SHB: variants seen among roughly 807,000 people sequenced by gnomAD.
SHB encodes SH2 domain-containing adapter protein B.
A neutral mutation model predicts 52.3 loss-of-function variants in SHB; 20 were observed. The ratio of observed to expected loss-of-function variants is 0.38; its 90% CI spans 0.27 to 0.56. The LOEUF (loss-of-function observed/expected upper bound fraction) is 0.56. SHB is among the 20% of genes least tolerant of loss of function. The pLI, the probability that SHB is intolerant of heterozygous loss-of-function variation, is 0.71. For missense variants in SHB, 825 were observed against 723.3 expected (o/e 1.14, Z -1.61); for synonymous variants, 397 against 316.5 (o/e 1.25, Z -2.70).
At chr9:38,045,504 G>A (rs1176764755) in intron 1 of SHB, among the ~76,000 whole-genome samples, 6 of 151,726 alleles carry the variant, frequency 4.0e-5, no homozygotes, top group African/African-American at 1.5e-4. Flanking sequence ...CCAGCTACTC[G>A]GGAGGCTAAG....
At chr9:38,027,681 C>A (rs1821361776) in intron 1 of SHB, among the ~76,000 whole-genome samples, 1 of 151,382 alleles carries the variant, frequency 6.6e-6, no homozygotes, top group Non-Finnish European at 1.5e-5. Flanking sequence ...CACAACCCAC[C>A]CCTCAGAATT....
At chr9:37,993,407 G>A (rs1181731346) in intron 2 of SHB, among the ~76,000 whole-genome samples, 1 of 152,170 alleles carries the variant, frequency 6.6e-6, no homozygotes, top group Non-Finnish European at 1.5e-5. Flanking sequence ...ATATGAAACA[G>A]AAAATATAAA....
intron 5 of SHB, among the ~76,000 whole-genome samples, chr9:37,935,278 C>T (rs1351398499): frequency 6.6e-6 from 1 of 152,190 alleles, no homozygotes; most frequent in East Asian, 1.9e-4. Flanking sequence ...GAACACTCTG[C>T]AGACGCCTGT....
intron 2 of SHB, among the ~76,000 whole-genome samples, chr9:37,988,444 T>C (rs1448134074): frequency 1.3e-5 from 2 of 152,288 alleles, no homozygotes; most frequent in East Asian, 1.9e-4. Context: ...TTGCTAATGC[T>C]GTGGCTCCAT....
At position 38,068,480 on chromosome 9, in the gene SHB, C is replaced by A. The variant is rs1444249029; in HGVS notation, c.166G>T (p.Gly56Cys). The A allele has an allele frequency of 6.6e-7, 1 of 1,505,454 alleles. No homozygotes were observed. The highest frequency in any genetic ancestry group is 1.2e-5 in the South Asian group (1 of 80,906). The allele number at this position is 1,505,454 out of a possible 1,614,324, so 93.3% of individuals were successfully genotyped here. Residue 56 changes from glycine (G) to cysteine (C), a missense_variant, in exon 1 of 6, where the codon GGT becomes TGT. Transcript: ENST00000377707. ...GAGAAGCAGGAGGCGGTGGCCGGAC[C>A]GCAGGACGCCGAGGCGGCGGAGGAG... ...QASSAASASCGPATASCFSAS... is the reference protein window; with the variant it reads ...QASSAASASCCPATASCFSAS...
At chr9:37,982,096 A>G (rs1156280582) in intron 2 of SHB, among the ~76,000 whole-genome samples, 1 of 148,072 alleles carries the variant, frequency 6.8e-6, no homozygotes, top group Non-Finnish European at 1.5e-5. Context: ...TCATTTTGTA[A>G]AAAAAAAAAA....
chr9:37,994,082 C>T (rs1205839948), intron 2 of SHB, among the ~76,000 whole-genome samples: 1 of 152,212 alleles, frequency 6.6e-6, no homozygotes, highest in Non-Finnish European at 1.5e-5. Flanking sequence ...TGATTGACCT[C>T]AGTGGTTCAT....
chr9:38,035,581 A>T (rs929393920), intron 1 of SHB, among the ~76,000 whole-genome samples: 4 of 152,228 alleles, frequency 2.6e-5, no homozygotes, highest in Non-Finnish European at 5.9e-5. Flanking sequence ...TGGGAGAAGC[A>T]CAGAATCACA....
chr9:38,049,959 C>T (rs1464083535), intron 1 of SHB, among the ~76,000 whole-genome samples: 1 of 152,112 alleles, frequency 6.6e-6, no homozygotes, highest in African/African-American at 2.4e-5. Flanking sequence ...GCCACCACAC[C>T]CGGCTAATTT....
At chr9:38,023,798 C>T (rs1241001264) in intron 1 of SHB, among the ~76,000 whole-genome samples, 3 of 152,122 alleles carry the variant, frequency 2.0e-5, no homozygotes, top group Admixed American at 2.0e-4. Context: ...CTATGGCCAG[C>T]ATCCAGGGCC....
At chr9:38,015,618 C>T (rs1821199810) in intron 2 of SHB, 8 of 603,516 alleles carry the variant, frequency 1.3e-5, no homozygotes, top group African/African-American at 1.9e-5. Flanking sequence ...CCAGGTGACC[C>T]AGCCTGCTTC....
chr9:38,057,188 A>G (rs1165800480), intron 1 of SHB, among the ~76,000 whole-genome samples: 1 of 152,252 alleles, frequency 6.6e-6, no homozygotes, highest in Admixed American at 6.5e-5. Flanking sequence ...ATGTGAACAG[A>G]ATACAATGCA....
chr9:37,996,676 C>G (rs1475137265), intron 2 of SHB, among the ~76,000 whole-genome samples: 19 of 152,206 alleles, frequency 1.2e-4, no homozygotes, highest in Non-Finnish European at 1.5e-5. Context: ...CAGCAATGGC[C>G]TTTCTTTCAG....
chr9:37,955,688 C>T (rs1832622182), intron 4 of SHB, among the ~76,000 whole-genome samples, 195 bp downstream of exon 4: 1 of 151,894 alleles, frequency 6.6e-6, no homozygotes, highest in Non-Finnish European at 1.5e-5. Context: ...CAGGCTCTCA[C>T]TATGTTGTCC....
chr9:37,955,291 C>G (rs189914481), intron 4 of SHB, among the ~76,000 whole-genome samples: 16 of 152,208 alleles, frequency 1.1e-4, no homozygotes, highest in African/African-American at 3.4e-4. Context: ...GTAAGGGTGG[C>G]AACACAGTGT....
At chr9:37,944,186 G>A (rs1832466236) in intron 5 of SHB, among the ~76,000 whole-genome samples, 1 of 152,186 alleles carries the variant, frequency 6.6e-6, no homozygotes, top group Non-Finnish European at 1.5e-5. Flanking sequence ...ACAGGTAGGG[G>A]CCCCTGCCAT....
intron 1 of SHB, among the ~76,000 whole-genome samples, chr9:38,058,459 G>A (rs923002875): frequency 4.6e-5 from 7 of 152,112 alleles, no homozygotes; most frequent in Non-Finnish European, 1.0e-4. Context: ...TTCACCACAC[G>A]CTGGAATCTG....
At chr9:37,957,132 G>C (rs919815774) in intron 3 of SHB, among the ~76,000 whole-genome samples, 7 of 152,150 alleles carry the variant, frequency 4.6e-5, no homozygotes, top group African/African-American at 1.4e-4. Context: ...ACACACAGAG[G>C]GTGCCTAAGA....
At chr9:37,955,430 G>A (rs1272949615) in intron 4 of SHB, among the ~76,000 whole-genome samples, 1 of 152,128 alleles carries the variant, frequency 6.6e-6, no homozygotes, top group Non-Finnish European at 1.5e-5. Flanking sequence ...GGGGGAGGTA[G>A]GGGCAGGCTA....
Sources: allele counts gnomAD v4.1 joint callset (sites outside exome capture counted in the v4.1 genomes callset), GRCh38; gene constraint gnomAD v4.1.1; transcripts MANE v1.5; gene names NCBI Gene and HGNC (gene_info 2026-07-23, HGNC 2026-07-21).